The following KDM2A variants were observed in gnomAD, a reference collection of about 807,000 sequenced individuals.
KDM2A encodes the protein lysine demethylase 2A, also known as lysine-specific demethylase 2A.
A neutral mutation model predicts 137.3 loss-of-function variants in KDM2A; 3 were observed. The ratio of observed to expected loss-of-function variants is 0.02; its 90% CI spans 0.01 to 0.06. The LOEUF (loss-of-function observed/expected upper bound fraction) is 0.06, where lower values mean the gene tolerates loss of function less well. Ranked by LOEUF, KDM2A falls within the 10% of genes least tolerant of loss-of-function variation. KDM2A has a pLI of 1.00. For missense variants in KDM2A, 738 were observed against 1,510.6 expected (o/e 0.49, Z 8.48); for synonymous variants, 512 against 541.5 (o/e 0.95, Z 0.76).
At chr11:67,129,446 G>A (rs1034269604) in intron 2 of KDM2A, among the ~76,000 whole-genome samples, 1 of 151,846 alleles carries the variant, frequency 6.6e-6, no homozygotes, top group Non-Finnish European at 1.5e-5. Context: ...AAAATTAGCC[G>A]GGCATAGGCC....
At chr11:67,140,721 C>G (rs1856081099) in intron 2 of KDM2A, among the ~76,000 whole-genome samples, 1 of 151,844 alleles carries the variant, frequency 6.6e-6, no homozygotes. Flanking sequence ...CCATTGCACT[C>G]CAGCCTGGCA....
chr11:67,201,111 G>A (rs554043302), intron 5 of KDM2A, among the ~76,000 whole-genome samples: 1 of 151,224 alleles, frequency 6.6e-6, no homozygotes, highest in African/African-American at 2.4e-5. Context: ...GGAGAATGGC[G>A]TGAACCCGGG....
At chr11:67,155,805 G>C (rs1294973558) in intron 2 of KDM2A, among the ~76,000 whole-genome samples, 1 of 149,362 alleles carries the variant, frequency 6.7e-6, no homozygotes, top group South Asian at 2.1e-4. Context: ...TAGTATAGAC[G>C]GGGTTTCTCC....
intron 2 of KDM2A, among the ~76,000 whole-genome samples, chr11:67,121,884 G>A (rs932695024): frequency 6.6e-6 from 1 of 152,100 alleles, no homozygotes; most frequent in African/African-American, 2.4e-5. Context: ...GTAGAATACT[G>A]GATGCTGATA....
chr11:67,168,598 CACA>C (rs1856805097), intron 2 of KDM2A, among the ~76,000 whole-genome samples: 1 of 72,050 alleles, frequency 1.4e-5, no homozygotes. Context: ...CACACACACA[CACA>C]CACACACACA....
intron 5 of KDM2A, 81 bp from the exon 6 acceptor site, chr11:67,207,429 T>C: frequency 1.8e-6 from 2 of 1,119,474 alleles, no homozygotes; most frequent in South Asian, 2.5e-5. Flanking sequence ...TATTTTTTCT[T>C]CTACTTTTTA....
intron 12 of KDM2A, chr11:67,240,444 G>A: frequency 7.5e-7 from 1 of 1,329,920 alleles, no homozygotes; most frequent in Non-Finnish European, 1.0e-6. Context: ...TCAGTGAAGA[G>A]GCAGGAGAAA....
chr11:67,234,973 C>T (rs1242220213), intron 12 of KDM2A, among the ~76,000 whole-genome samples: 2 of 151,634 alleles, frequency 1.3e-5, no homozygotes, highest in Non-Finnish European at 2.9e-5. Context: ...GGTGAAACCC[C>T]GTCTCTAGAA....
At chr11:67,145,677 A>G (rs534162235) in intron 2 of KDM2A, among the ~76,000 whole-genome samples, 1 of 152,052 alleles carries the variant, frequency 6.6e-6, no homozygotes, top group African/African-American at 2.4e-5. Flanking sequence ...TCTTTCCATT[A>G]TACCATATTC....
At chr11:67,140,638 A>G (rs1455452088) in intron 2 of KDM2A, among the ~76,000 whole-genome samples, 1 of 152,066 alleles carries the variant, frequency 6.6e-6, no homozygotes, top group Non-Finnish European at 1.5e-5. Flanking sequence ...CTGTAATCCC[A>G]GCTACTTGGG....
In KDM2A at chr11:67,245,021, T is replaced by A; in HGVS notation, c.1564-168T>A. On this transcript the variant is annotated intron_variant, in intron 13 of 20. Coordinates refer to ENST00000529006, the MANE Select transcript of KDM2A (RefSeq NM_012308.3). The surrounding 1 kb of genome is among the most constrained non-coding windows in gnomAD (Gnocchi z 4.1). ...AAAAAAAGCAGCCATTGATAATACA[T>A]ACACAAGATGAGTTGTGTGTCAATA... is the stretch of plus-strand genomic sequence containing the variant. 55 of 611,710 alleles carry A rather than the reference T, an allele frequency of 9.0e-5. No homozygotes were observed. The highest frequency in any genetic ancestry group is 1.4e-4 in the Non-Finnish European group (49 of 351,398). The allele number at this position is 611,710 out of a possible 1,614,324, so 37.9% of individuals were successfully genotyped here. A position where few individuals can be genotyped will look rare whatever the true frequency, so the allele number is the denominator to read the frequency against.
At chr11:67,126,362 C>T (rs1294558458) in intron 2 of KDM2A, among the ~76,000 whole-genome samples, 2 of 151,988 alleles carry the variant, frequency 1.3e-5, no homozygotes, top group African/African-American at 4.8e-5. Flanking sequence ...ATCACTTGAG[C>T]CCAGGAGTTT....
intron 3 of KDM2A, chr11:67,180,553 C>G (rs75672654): frequency 0.02 from 3,764 of 190,460 alleles, 86 homozygotes; most frequent in East Asian, 0.053. Flanking sequence ...TCTACCCCAC[C>G]AAAACTGAGG....
intron 2 of KDM2A, among the ~76,000 whole-genome samples, chr11:67,156,920 G>A (rs1178678678): frequency 6.6e-6 from 1 of 151,612 alleles, no homozygotes; most frequent in East Asian, 1.9e-4. Flanking sequence ...GAGCTTCAGT[G>A]CCCACAAATA....
chr11:67,240,461 G>A, intron 12 of KDM2A: 1 of 1,071,700 alleles, frequency 9.3e-7, no homozygotes, highest in East Asian at 2.6e-5. Context: ...GAAACTGCCT[G>A]CCGGGCGAGT....
Position 67,250,515 on chromosome 11 carries a change from C to G in KDM2A, c.2485C>G (p.Leu829Val), listed in dbSNP as rs1165967489. The G allele has an allele frequency of 7.4e-6, 12 of 1,613,920 alleles. No individual in the cohort carries two copies. Among genetic ancestry groups the G allele is most frequent in the Non-Finnish European group, 1.0e-5 (12 of 1,179,910 alleles). Reference protein sequence around the residue: ...LQAITASSANLRHSPRVLVQH... With the variant: ...LQAITASSANVRHSPRVLVQH... ...GGCCATCACGGCCTCCTCTGCCAAC[C>G]TTCGCCATTCCCCCCGTGTGCTAGT... is the stretch of plus-strand genomic sequence containing the variant. The change falls in exon 17 of 21, where the codon CTT becomes GTT. Residue 829 changes from leucine (L) to valine (V), a missense_variant. Coordinates refer to ENST00000529006, the MANE Select transcript of KDM2A (RefSeq NM_012308.3). The surrounding 1 kb of genome is among the most constrained non-coding windows in gnomAD (Gnocchi z 7.1).
intron 5 of KDM2A, among the ~76,000 whole-genome samples, chr11:67,202,305 A>G (rs1296396284): frequency 6.6e-6 from 1 of 152,192 alleles, no homozygotes; most frequent in Non-Finnish European, 1.5e-5. Flanking sequence ...GGTATTTAGG[A>G]TATTACATAA....
intron 2 of KDM2A, among the ~76,000 whole-genome samples, chr11:67,136,010 GTGTT>G (rs926547538): frequency 9.2e-5 from 14 of 152,054 alleles, no homozygotes; most frequent in African/African-American, 3.1e-4. Flanking sequence ...CGTTACTAGT[GTGTT>G]TGTTTAATAT....
At chr11:67,225,333 C>T (rs1005661797) in intron 10 of KDM2A, among the ~76,000 whole-genome samples, 16 of 152,288 alleles carry the variant, frequency 1.1e-4, no homozygotes, top group African/African-American at 3.6e-4. Flanking sequence ...CATTCCTATG[C>T]GTGATGTTAA....
Sources: allele counts gnomAD v4.1 joint callset (sites outside exome capture counted in the v4.1 genomes callset), GRCh38; gene constraint gnomAD v4.1.1; non-coding constraint Gnocchi (gnomAD v3.1); transcripts MANE v1.5; gene names NCBI Gene and HGNC (gene_info 2026-07-23, HGNC 2026-07-21).